Variants in PLEKHM2 observed in about 807,000 individuals in gnomAD.
The protein encoded by PLEKHM2 is pleckstrin homology domain-containing family M member 2.
In PLEKHM2, 77 loss-of-function variants were observed where a neutral mutation model predicts 116.3. The observed-to-expected ratio is 0.66, with a 90% CI of 0.55 to 0.80. The LOEUF is 0.80. Ranked by LOEUF, PLEKHM2 falls within the 30% of genes least tolerant of loss-of-function variation. The pLI is 0.00. For synonymous variants in PLEKHM2, 562 were observed against 571.0 expected, an observed-to-expected ratio of 0.98 and a Z score of 0.22; for missense variants, 1,183 against 1,354.9, an observed-to-expected ratio of 0.87 and a Z score of 1.99.
At chr1:15,686,724 G>A (rs1557637133) in intron 1 of PLEKHM2, among the ~76,000 whole-genome samples, 1 of 149,590 alleles carries the variant, frequency 6.7e-6, no homozygotes, top group Non-Finnish European at 1.5e-5. Context: ...TCTCCGCTCA[G>A]TGCAAGCTCC....
At position 15,734,148 on chromosome 1, in the gene PLEKHM2, G is replaced by A. The variant is rs139674413; in HGVS notation, c.*214G>A. 7.4e-5 allele frequency: 43 copies of A among 580,576 alleles called. No individual in the cohort carries two copies. Among genetic ancestry groups the A allele is most frequent in the Non-Finnish European group, 1.1e-4 (37 of 335,250 alleles). The allele number at this position is 580,576 out of a possible 1,614,324, so 36.0% of individuals were successfully genotyped here. A position where few individuals can be genotyped will look rare whatever the true frequency, so the allele number is the denominator to read the frequency against. On this transcript the variant is annotated 3_prime_UTR_variant, in exon 20 of 20. Transcript: ENST00000375799. ...CTGGGCATCCTGCCCGACAGGTAGC[G>A]AATGGAGGTCGCTGGGGGCAGAGGG...
intron 1 of PLEKHM2, among the ~76,000 whole-genome samples, chr1:15,700,214 T>A (rs1322730162): frequency 6.6e-6 from 1 of 152,124 alleles, no homozygotes; most frequent in Non-Finnish European, 1.5e-5. Context: ...TGCTCTGCCC[T>A]GCTCAGTTTT....
intron 1 of PLEKHM2, among the ~76,000 whole-genome samples, chr1:15,698,443 G>A (rs980646171): frequency 1.1e-4 from 17 of 151,916 alleles, no homozygotes; most frequent in African/African-American, 3.4e-4. Context: ...GGGCTCAAGC[G>A]AACTTCCTGC....
Position 15,731,889 on chromosome 1 carries a change from G to C in PLEKHM2, c.2466G>C (p.Gly822=), listed in dbSNP as rs201370265. Residue 822 remains glycine, a splice_region_variant and synonymous_variant, in exon 17 of 20, where the codon GGG becomes GGC. Transcript: ENST00000375799. ...DVIPLLSVNM[G]GEQCGGCRRA... ...GTTTCACCCTCCTCCTCTGGCCCAG[G>C]GGGGAGCAGTGCGGTGGCTGCCGGA... 2.9e-5 allele frequency: 46 copies of C among 1,610,234 alleles called. No homozygotes were observed. The highest frequency in any genetic ancestry group is 3.3e-4 in the Middle Eastern group (2 of 6,018).
chr1:15,690,008 G>A (rs769089815), intron 1 of PLEKHM2, among the ~76,000 whole-genome samples: 6 of 151,554 alleles, frequency 4.0e-5, no homozygotes, highest in Non-Finnish European at 5.9e-5. Context: ...TGCCTGCTTC[G>A]GCCTCCCAAA....
In PLEKHM2 at chr1:15,734,180, C is replaced by T; in HGVS notation, c.*246C>T. The T allele has an allele frequency of 1.9e-6, 1 of 524,682 alleles. No homozygotes were observed. Among genetic ancestry groups the T allele is most frequent in the South Asian group, 2.6e-5 (1 of 38,606 alleles). 32.5% of individuals were successfully genotyped at this position (524,682 alleles called of 1,614,324 possible). A position where few individuals can be genotyped will look rare whatever the true frequency, so the allele number is the denominator to read the frequency against. On this transcript the variant is annotated 3_prime_UTR_variant, in exon 20 of 20. Coordinates refer to ENST00000375799, the MANE Select transcript of PLEKHM2 (RefSeq NM_015164.4). Reference sequence around the variant, plus strand: ...GGTCGCTGGGGGCAGAGGGTCCGAGCCCTGTGGGCTCTGCGGATGCACGCC... The same window carrying T: ...GGTCGCTGGGGGCAGAGGGTCCGAGTCCTGTGGGCTCTGCGGATGCACGCC...
chr1:15,709,190 T>C (rs1456664668), intron 1 of PLEKHM2, among the ~76,000 whole-genome samples: 1 of 152,186 alleles, frequency 6.6e-6, no homozygotes, highest in Non-Finnish European at 1.5e-5. Context: ...TAGTGGGTAT[T>C]AGCTCTACCA....
intron 1 of PLEKHM2, among the ~76,000 whole-genome samples, chr1:15,700,905 A>G (rs1216638736): frequency 1.3e-5 from 2 of 150,456 alleles, no homozygotes; most frequent in African/African-American, 4.9e-5. Context: ...TGAGGTCAGG[A>G]GTTCAAGACC....
At chr1:15,685,098 G>A (rs1640741268) in intron 1 of PLEKHM2, among the ~76,000 whole-genome samples, 1 of 152,268 alleles carries the variant, frequency 6.6e-6, no homozygotes, top group South Asian at 2.1e-4. Flanking sequence ...CTGCTCCTGG[G>A]AAGTCCCCTG....
intron 1 of PLEKHM2, among the ~76,000 whole-genome samples, chr1:15,704,833 ACTGCCCACGTTTT>A (rs1641189240): frequency 1.3e-5 from 2 of 152,318 alleles, no homozygotes; most frequent in African/African-American, 4.8e-5. Flanking sequence ...TGGAGCACAT[ACTGCCCACGTTTT>A]CTGCCCACCT....
chr1:15,681,902 T>C (rs1376307327), upstream of PLEKHM2, among the ~76,000 whole-genome samples: 6 of 152,214 alleles, frequency 3.9e-5, no homozygotes, highest in East Asian at 3.9e-4. Flanking sequence ...CTGAACTCAG[T>C]ACAAATAAGA....
chr1:15,701,591 C>T (rs1205796739), intron 1 of PLEKHM2, among the ~76,000 whole-genome samples: 1 of 152,030 alleles, frequency 6.6e-6, no homozygotes, highest in Non-Finnish European at 1.5e-5. Context: ...AGATCGTGAC[C>T]ATCCTGGCTA....
chr1:15,723,514 A>G, intron 7 of PLEKHM2, among the ~76,000 whole-genome samples: 1 of 150,978 alleles, frequency 6.6e-6, no homozygotes, highest in East Asian at 1.9e-4. Flanking sequence ...CTGAGGCTGG[A>G]GGATCGCCTG....
At chr1:15,718,354 G>A (rs1287457331) in intron 4 of PLEKHM2, among the ~76,000 whole-genome samples, 184 bp from the exon 5 acceptor site, 3 of 152,384 alleles carry the variant, frequency 2.0e-5, no homozygotes, top group South Asian at 4.1e-4. Flanking sequence ...GGACAGTGCA[G>A]TGTGGCTGCT....
chr1:15,697,325 G>A (rs914831336), intron 1 of PLEKHM2, among the ~76,000 whole-genome samples: 3 of 152,154 alleles, frequency 2.0e-5, no homozygotes, highest in Admixed American at 1.3e-4. Context: ...TCTGGTGTTC[G>A]CTGAGGGGCC....
chr1:15,726,507 T>G (rs1442889143), intron 8 of PLEKHM2, among the ~76,000 whole-genome samples: 4 of 152,196 alleles, frequency 2.6e-5, no homozygotes, highest in Non-Finnish European at 1.5e-5. Context: ...CTGGGGTCCC[T>G]TAGCTAAGCC....
In PLEKHM2 at chr1:15,725,345, T is replaced by C. The variant is rs1053446758; in HGVS notation, c.741T>C (p.Gly247=). 1.9e-6 allele frequency: 3 copies of C among 1,551,106 alleles called. No homozygotes were observed. The highest frequency in any genetic ancestry group is 8.7e-7 in the Non-Finnish European group (1 of 1,146,908). ...EDGDLTDTVS[G]PRSTASDLTS... is the part of the protein sequence containing the mutation. ...GAGACCTCACAGACACGGTCAGTGG[T>C]CCCCGCTCCACAGCCTCCGACCTGA... Residue 247 remains glycine, a synonymous_variant, in exon 8 of 20, where the codon GGT becomes GGC. Coordinates refer to ENST00000375799, the MANE Select transcript of PLEKHM2 (RefSeq NM_015164.4).
At chr1:15,698,946 A>G (rs1641056190) in intron 1 of PLEKHM2, among the ~76,000 whole-genome samples, 2 of 152,184 alleles carry the variant, frequency 1.3e-5, no homozygotes. Context: ...TTCTTGCTCT[A>G]TAATTCACTA....
chr1:15,729,265 CAG>C lies in PLEKHM2; in HGVS notation c.2075+76_2075+77del, dbSNP rs2068107138. 4.7e-6 allele frequency: 6 copies of C among 1,276,220 alleles called. No homozygotes were observed. In the Admixed American group the frequency reaches 7.8e-5, roughly 17 times the overall value. The allele number at this position is 1,276,220 out of a possible 1,614,324, so 79.1% of individuals were successfully genotyped here. On this transcript the variant is annotated intron_variant, in intron 13 of 19. Coordinates refer to ENST00000375799, the MANE Select transcript of PLEKHM2 (RefSeq NM_015164.4). The surrounding 1 kb of genome is among the most constrained non-coding windows in gnomAD (Gnocchi z 4.7). ...CCATAGGTGTGGGTGGCCTGGGGGT[CAG>C]GGGTGGAGGTGGAAAGTGGGAGATC...
Sources: gnomAD v4.1 joint callset for allele counts (sites outside exome capture counted in the v4.1 genomes callset) on GRCh38, gnomAD v4.1.1 for gene constraint, Gnocchi (gnomAD v3.1) non-coding constraint, MANE v1.5 for transcripts, NCBI Gene and HGNC (gene_info 2026-07-23, HGNC 2026-07-21) for gene names.